MCF2L: variants seen among roughly 807,000 people sequenced by gnomAD.
The protein encoded by MCF2L is guanine nucleotide exchange factor DBS.
A neutral mutation model predicts 153.4 loss-of-function variants in MCF2L; 97 were observed. The ratio of observed to expected loss-of-function variants is 0.63; its 90% CI spans 0.54 to 0.75. The LOEUF is 0.75. Among genes scored for constraint, MCF2L ranks in the 30% least tolerant of loss-of-function variants. The probability of loss-of-function intolerance (pLI) is 0.00; values close to 1 mark genes in which losing one functional copy is unlikely to be tolerated. For synonymous variants in MCF2L, 659 were observed against 632.2 expected, an observed-to-expected ratio of 1.04 and a Z score of -0.64; for missense variants, 1,347 against 1,495.2, an observed-to-expected ratio of 0.90 and a Z score of 1.64.
chr13:113,086,020 G>A, intron 20 of MCF2L, 104 bp from the exon 21 acceptor site: 2 of 1,263,800 alleles, frequency 1.6e-6, no homozygotes, highest in Non-Finnish European at 2.1e-6. Context: ...ACCAGGGGAG[G>A]GTGAGCAGCA....
At chr13:112,925,350 T>C (rs1321951604) in intron 2 of MCF2L, among the ~76,000 whole-genome samples, 1 of 152,208 alleles carries the variant, frequency 6.6e-6, no homozygotes, top group Non-Finnish European at 1.5e-5. Context: ...AAGCTAAGCA[T>C]GTGCCTGCCC....
At chr13:112,968,593 A>G, upstream of MCF2L, 2 of 1,536,546 alleles carry the variant, frequency 1.3e-6, no homozygotes, top group Non-Finnish European at 1.7e-6. Context: ...CCACGCATGG[A>G]CCCAGCGACC....
chr13:113,014,878 G>A, intron 2 of MCF2L, 32 bp downstream of exon 2: 1 of 1,605,516 alleles, frequency 6.2e-7, no homozygotes, highest in Non-Finnish European at 8.5e-7. Flanking sequence ...GGGGTGGAGA[G>A]GGAGGGGTCT....
Position 113,027,128 on chromosome 13 carries a change from C to A in MCF2L, c.278+2370C>A. 1.4e-6 allele frequency: 1 copy of A among 708,024 alleles called. No homozygotes were observed. The highest frequency in any genetic ancestry group is 2.6e-5 in the East Asian group (1 of 37,952). 43.9% of individuals were successfully genotyped at this position (708,024 alleles called of 1,614,324 possible). A position where few individuals can be genotyped will look rare whatever the true frequency, so the allele number is the denominator to read the frequency against. ...GCAAAACACAGAGGAGATGTTTAAC[C>A]ATCAGCGTGAAAGTGCAGCCGTGGC... On this transcript the variant is annotated intron_variant, in intron 3 of 29. Transcript: ENST00000535094. This position sits in a 1 kb window ranked among gnomAD's most constrained non-coding sequence, Gnocchi z 4.8.
chr13:112,943,723 G>T lies in MCF2L; in HGVS notation c.169+41352G>T, dbSNP rs2081602000. 6.6e-6 allele frequency among the ~76,000 whole-genome samples: 1 copy of T among 152,254 alleles called. No individual in the cohort carries two copies. The highest frequency in any genetic ancestry group is 6.5e-5 in the Admixed American group (1 of 15,310). ...GGAGGGACCACACCGCCGGGAGCCC[G>T]AGCAGCCTGCGGTGGCTCGGCTCGG... On this transcript the variant is annotated intron_variant, in intron 2 of 29. Coordinates refer to the MCF2L transcript ENST00000375608. The surrounding 1 kb of genome is among the most constrained non-coding windows in gnomAD (Gnocchi z 4.2).
intron 5 of MCF2L, among the ~76,000 whole-genome samples, chr13:113,062,745 G>A (rs1457520849): frequency 6.6e-6 from 1 of 152,218 alleles, no homozygotes; most frequent in Non-Finnish European, 1.5e-5. Flanking sequence ...GGAGAACAGT[G>A]GCCCCGGCAC....
At chr13:112,929,771 G>A (rs1479345513) in intron 2 of MCF2L, among the ~76,000 whole-genome samples, 2 of 152,224 alleles carry the variant, frequency 1.3e-5, no homozygotes. Context: ...GCATGGTCGG[G>A]ATGGCGGAGT....
chr13:113,085,361 G>T lies in MCF2L; in HGVS notation c.2247+183G>T, dbSNP rs556417597. On this transcript the variant is annotated intron_variant, in intron 20 of 29. Transcript: ENST00000535094. ...CTGTGCGCCACTGTTAGGGGTCTGAGGACGCAGGTGAGCAGACGAGTCCCC... is the reference window on the plus strand; with the variant it reads ...CTGTGCGCCACTGTTAGGGGTCTGATGACGCAGGTGAGCAGACGAGTCCCC... Among the ~76,000 whole-genome samples, 4 of 152,314 alleles carry T rather than the reference G, an allele frequency of 2.6e-5. No homozygotes were observed. In the South Asian group the frequency reaches 8.3e-4, roughly 32 times the overall value.
Position 112,941,821 on chromosome 13 carries a change from A to G in MCF2L, c.169+39450A>G, listed in dbSNP as rs879266168. ...AATATTATAATAATCCTTGCTCTACAATCATAACCTAGGAAAAACCAGGCC... is the reference window on the plus strand; with the variant it reads ...AATATTATAATAATCCTTGCTCTACGATCATAACCTAGGAAAAACCAGGCC... On this transcript the variant is annotated intron_variant, in intron 2 of 29. Transcript: ENST00000375608. The surrounding 1 kb of genome is among the most constrained non-coding windows in gnomAD (Gnocchi z 4.9). Among the ~76,000 whole-genome samples the G allele has an allele frequency of 7.2e-5, 11 of 152,230 alleles. No homozygotes were observed. Among genetic ancestry groups the G allele is most frequent in the Non-Finnish European group, 1.3e-4 (9 of 68,044 alleles).
intron 22 of MCF2L, 24 bp downstream of exon 22, chr13:113,087,480 A>C: frequency 3.8e-6 from 6 of 1,560,232 alleles, no homozygotes; most frequent in Non-Finnish European, 4.4e-6. Context: ...GGTCTGCAGC[A>C]GCACGCTCCT....
intron 3 of MCF2L, among the ~76,000 whole-genome samples, chr13:113,026,455 C>T (rs981607089): frequency 1.8e-4 from 28 of 152,226 alleles, no homozygotes; most frequent in African/African-American, 6.0e-4. Context: ...CCTGAGCTGC[C>T]GTTTTTTCCT....
At chr13:113,040,994 T>C (rs2086451321) in intron 3 of MCF2L, 1 of 152,244 alleles carries the variant, frequency 6.6e-6, no homozygotes, top group South Asian at 2.1e-4. Flanking sequence ...CCTTTTTTAC[T>C]TATTTGGGCC....
At position 113,098,633 on chromosome 13, in the gene MCF2L, G is replaced by A. The variant is rs1045011223; in HGVS notation, c.*1774G>A. 4 of 152,304 alleles carry A rather than the reference G, an allele frequency of 2.6e-5. No individual in the cohort carries two copies. Among genetic ancestry groups the A allele is most frequent in the African/African-American group, 7.2e-5 (3 of 41,482 alleles). 9.4% of individuals were successfully genotyped at this position (152,304 alleles called of 1,614,324 possible). On this transcript the variant is annotated 3_prime_UTR_variant, in exon 30 of 30. Coordinates refer to ENST00000535094, the MANE Select transcript of MCF2L (RefSeq NM_001112732.3). The stretch of plus-strand genomic sequence containing the variant: ...AGTGCACTGTGCTTGCACATGGTAA[G>A]TCATTGTTGGGACGGAAAAGAAGCC...
chr13:113,081,244 C>T lies in MCF2L; in HGVS notation c.1840C>T (p.Arg614Trp), dbSNP rs902748756. 8 of 1,593,166 alleles carry T rather than the reference C, an allele frequency of 5.0e-6. No homozygotes were observed. Among genetic ancestry groups the T allele is most frequent in the African/African-American group, 4.0e-5 (3 of 74,986 alleles). ...HVMSELLDTERAYVEELLCVL... is the reference protein window; with the variant it reads ...HVMSELLDTEWAYVEELLCVL... ...GATGAGCGAGCTCCTGGACACAGAA[C>T]GGGCCTACGTGGAGGAGCTGCTGTG... The change falls in exon 16 of 30, where the codon CGG (arginine) becomes TGG (tryptophan). Residue 614 changes from arginine (R) to tryptophan (W), a missense_variant. This residue lies in a region of MCF2L where 820 missense variants were observed against 921.2 expected (regional missense o/e 0.89). Transcript: ENST00000535094.
At chr13:112,929,712 C>T (rs993071137) in intron 2 of MCF2L, among the ~76,000 whole-genome samples, 2 of 152,232 alleles carry the variant, frequency 1.3e-5, no homozygotes, top group African/African-American at 4.8e-5. Context: ...CCTCCGGCCT[C>T]GGGTTCCTCT....
intron 17 of MCF2L, among the ~76,000 whole-genome samples, chr13:113,083,674 G>A (rs148465620): frequency 3.9e-5 from 6 of 152,336 alleles, no homozygotes; most frequent in African/African-American, 1.4e-4. Context: ...TGGGGGTGGC[G>A]CCTCCAGGGC....
rs528524450 is a variant in MCF2L at position 113,083,431 on chromosome 13, A to G, written c.1992-567A>G. Among the ~76,000 whole-genome samples, 3 of 152,290 alleles carry G rather than the reference A, an allele frequency of 2.0e-5. No individual in the cohort carries two copies. In the South Asian group the frequency reaches 6.2e-4, roughly 32 times the overall value. On this transcript the variant is annotated intron_variant, in intron 17 of 29. Coordinates refer to ENST00000535094, the MANE Select transcript of MCF2L (RefSeq NM_001112732.3). ...GGGCAGAACCTTAGTGTCCCTTAGT[A>G]TCTGTCCTCATGGCCCCCAGGGTCT...
At position 113,096,354 on chromosome 13, in the gene MCF2L, T is replaced by C. The variant is rs1429709243; in HGVS notation, c.3076-17T>C. The C allele has an allele frequency of 6.5e-7, 1 of 1,539,830 alleles. No individual in the cohort carries two copies. Among genetic ancestry groups the C allele is most frequent in the Non-Finnish European group, 8.8e-7 (1 of 1,136,442 alleles). On this transcript the variant is annotated splice_polypyrimidine_tract_variant and intron_variant, in intron 27 of 29. Transcript: ENST00000535094. ...CGGGTGCTGACGCTGTCTGTGCCCC[T>C]GCCCGTCTCCCACCAGGTTCCAGGT...
rs79655870 is a variant in MCF2L at position 112,987,586 on chromosome 13, G to C, written c.79+18128G>C. 4.6e-3 allele frequency among the ~76,000 whole-genome samples: 693 copies of C among 152,248 alleles called. 4 individuals carry two copies. Among genetic ancestry groups the C allele is most frequent in the African/African-American group, 0.016 (675 of 41,544 alleles). On this transcript the variant is annotated intron_variant, in intron 1 of 29. Transcript: ENST00000535094. ...AGGAGGAGGCCGGGTGTGAGGTCTC[G>C]GCCTGCGCTGCATGCAACGTTTTCA... is the stretch of plus-strand genomic sequence containing the variant.
Sources: gnomAD v4.1 joint callset for allele counts (sites outside exome capture counted in the v4.1 genomes callset) on GRCh38, gnomAD v4.1.1 for gene constraint, gnomAD v4.1.1 regional missense constraint, Gnocchi (gnomAD v3.1) non-coding constraint, MANE v1.5 for transcripts, NCBI Gene and HGNC (gene_info 2026-07-23, HGNC 2026-07-21) for gene names.